RAP1A: variants seen among roughly 807,000 people sequenced by gnomAD.
The protein encoded by RAP1A is RAP1A, member of RAS oncogene family.
In RAP1A, 6 loss-of-function variants were observed where a neutral mutation model predicts 26.4. The ratio of observed to expected loss-of-function variants is 0.23; its 90% confidence interval spans 0.12 to 0.45. The LOEUF is 0.45. RAP1A is among the 20% of genes least tolerant of loss of function. RAP1A has a pLI of 0.99. For missense variants in RAP1A, 121 were observed against 217.2 expected (o/e 0.56, Z 2.78); for synonymous variants, 73 against 79.4 (o/e 0.92, Z 0.43).
intron 1 of RAP1A, among the ~76,000 whole-genome samples, chr1:111,578,324 T>C (rs1340264125): frequency 6.6e-6 from 1 of 151,816 alleles, no homozygotes; most frequent in Non-Finnish European, 1.5e-5. Context: ...GGTAGAGCAA[T>C]AGATAAGGTT....
intron 1 of RAP1A, among the ~76,000 whole-genome samples, chr1:111,569,474 A>AG (rs1245984944): frequency 6.6e-6 from 1 of 151,688 alleles, no homozygotes; most frequent in Non-Finnish European, 1.5e-5. Context: ...TTCATTATTC[A>AG]GGGGTCAACT....
chr1:111,640,193 A>G (rs1467534889), intron 1 of RAP1A, among the ~76,000 whole-genome samples: 1 of 152,228 alleles, frequency 6.6e-6, no homozygotes. Context: ...GAAGCCATAT[A>G]AAAACTTCAA....
Position 111,715,525 on chromosome 1 carries a change from A to G in RAP1A, c.*3124A>G, listed in dbSNP as rs1662518696. 1 of 152,242 alleles carries G rather than the reference A, an allele frequency of 6.6e-6. No homozygotes were observed. Among genetic ancestry groups the G allele is most frequent in the Admixed American group, 6.5e-5 (1 of 15,288 alleles). 9.4% of individuals were successfully genotyped at this position (152,242 alleles called of 1,614,324 possible). A position where few individuals can be genotyped will look rare whatever the true frequency, so the allele number is the denominator to read the frequency against. On this transcript the variant is annotated 3_prime_UTR_variant, in exon 8 of 8. Transcript: ENST00000369709. ...ATACTACAGTTCATCAAAGATATGA[A>G]TAACACCCTAGTTTTCTGAACTGCA...
chr1:111,557,133 G>A (rs1657526754), intron 1 of RAP1A, among the ~76,000 whole-genome samples: 2 of 152,140 alleles, frequency 1.3e-5, no homozygotes, highest in South Asian at 4.1e-4. Context: ...ACCTACAGAG[G>A]AATGATATTT....
At chr1:111,550,644 C>T (rs895468478) in intron 1 of RAP1A, among the ~76,000 whole-genome samples, 2 of 152,102 alleles carry the variant, frequency 1.3e-5, no homozygotes, top group East Asian at 3.8e-4. Context: ...AGGAACCTTC[C>T]TGATTTACAT....
chr1:111,669,704 C>A (rs1455996548), intron 1 of RAP1A, among the ~76,000 whole-genome samples: 1 of 152,128 alleles, frequency 6.6e-6, no homozygotes, highest in African/African-American at 2.4e-5. Context: ...AGTTGTCTAA[C>A]CAGAATTTCA....
chr1:111,697,902 A>C (rs1178973517), intron 4 of RAP1A, among the ~76,000 whole-genome samples: 2 of 152,126 alleles, frequency 1.3e-5, no homozygotes, highest in Non-Finnish European at 2.9e-5. Flanking sequence ...GGCTGGTGAC[A>C]GATACATGTT....
At chr1:111,706,593 A>G (rs183592210) in intron 6 of RAP1A, 20 of 463,316 alleles carry the variant, frequency 4.3e-5, no homozygotes, top group Non-Finnish European at 1.4e-5. Flanking sequence ...TGGAATAGTA[A>G]TTGGAATCAA....
At chr1:111,618,472 G>C (rs1031670263), upstream of RAP1A, among the ~76,000 whole-genome samples, 3 of 152,124 alleles carry the variant, frequency 2.0e-5, no homozygotes, top group Non-Finnish European at 4.4e-5. Flanking sequence ...GTGTTGGAGT[G>C]CCTCTTGGTC....
chr1:111,684,584 A>T (rs1661409053), intron 1 of RAP1A, among the ~76,000 whole-genome samples: 1 of 152,246 alleles, frequency 6.6e-6, no homozygotes, highest in South Asian at 2.1e-4. Context: ...AGGGATGTGA[A>T]GGACCTCTTC....
Position 111,716,120 on chromosome 1 carries a change from CTTAT to C in RAP1A, c.*3723_*3726del, listed in dbSNP as rs1662536059. The C allele has an allele frequency of 6.6e-6, 1 of 152,152 alleles. No homozygotes were observed. The highest frequency in any genetic ancestry group is 2.4e-5 in the African/African-American group (1 of 41,430). 9.4% of individuals were successfully genotyped at this position (152,152 alleles called of 1,614,324 possible). A position where few individuals can be genotyped will look rare whatever the true frequency, so the allele number is the denominator to read the frequency against. ...CCTTTTTAAGAATTTGGATTTTGTACTTATTTAAGGTGCTAAATATGTGTTAAAA... is the reference window on the plus strand; with the variant it reads ...CCTTTTTAAGAATTTGGATTTTGTACTTAAGGTGCTAAATATGTGTTAAAA... On this transcript the variant is annotated 3_prime_UTR_variant, in exon 8 of 8. Transcript: ENST00000369709.
At chr1:111,682,627 A>C (rs34216562) in intron 1 of RAP1A, among the ~76,000 whole-genome samples, 20,074 of 152,186 alleles carry the variant, frequency 0.13, 2,019 homozygotes, top group African/African-American at 0.29. Flanking sequence ...ATGAGAGCTA[A>C]CTATCCTAAA....
At chr1:111,591,169 T>G (rs1318077555) in intron 1 of RAP1A, among the ~76,000 whole-genome samples, 1 of 152,190 alleles carries the variant, frequency 6.6e-6, no homozygotes, top group Non-Finnish European at 1.5e-5. Flanking sequence ...GTTTTCAAAT[T>G]TAGTTGCATG....
intron 1 of RAP1A, among the ~76,000 whole-genome samples, chr1:111,597,014 T>G (rs1231130467): frequency 6.6e-6 from 1 of 152,214 alleles, no homozygotes; most frequent in African/African-American, 2.4e-5. Context: ...GGGCTGGAGT[T>G]AAGGATGGCT....
intron 1 of RAP1A, among the ~76,000 whole-genome samples, chr1:111,669,550 C>G (rs1660911682): frequency 6.6e-6 from 1 of 152,214 alleles, no homozygotes; most frequent in Non-Finnish European, 1.5e-5. Flanking sequence ...GCTTGGCTCT[C>G]TCAGACTACC....
intron 1 of RAP1A, among the ~76,000 whole-genome samples, chr1:111,687,171 G>A (rs1333209262): frequency 7.0e-6 from 1 of 143,806 alleles, no homozygotes; most frequent in Admixed American, 6.9e-5. Context: ...TTGCTTATTT[G>A]TTTGCATTTT....
At chr1:111,624,937 A>G (rs765600386) in intron 1 of RAP1A, among the ~76,000 whole-genome samples, 1 of 152,166 alleles carries the variant, frequency 6.6e-6, no homozygotes, top group Non-Finnish European at 1.5e-5. Flanking sequence ...TGAAAAAAAA[A>G]TTCTTTATAA....
intron 1 of RAP1A, among the ~76,000 whole-genome samples, chr1:111,687,841 C>T (rs1189682286): frequency 6.6e-6 from 1 of 151,802 alleles, no homozygotes; most frequent in East Asian, 1.9e-4. Flanking sequence ...TAGTGAGACT[C>T]TGTGTCTACA....
intron 1 of RAP1A, among the ~76,000 whole-genome samples, chr1:111,582,921 C>T (rs1166302002): frequency 6.6e-6 from 1 of 152,206 alleles, no homozygotes; most frequent in East Asian, 1.9e-4. Context: ...CTGAACCTGG[C>T]TATCTTGGGT....
Sources: gnomAD v4.1 joint callset for allele counts (sites outside exome capture counted in the v4.1 genomes callset) on GRCh38, gnomAD v4.1.1 for gene constraint, MANE v1.5 for transcripts, NCBI Gene and HGNC (gene_info 2026-07-23, HGNC 2026-07-21) for gene names.